The following FOXP1 variants were observed in gnomAD, a reference collection of about 807,000 sequenced individuals.
FOXP1 encodes the protein forkhead box protein P1.
FOXP1 carries 15 observed loss-of-function variants against 98.2 expected under a neutral mutation model. The ratio of observed to expected loss-of-function variants is 0.15; its 90% CI spans 0.10 to 0.24. FOXP1 has a LOEUF of 0.24. Among genes scored for constraint, FOXP1 ranks in the 10% least tolerant of loss-of-function variants. The pLI is 1.00. For missense variants in FOXP1, 633 were observed against 848.5 expected (o/e 0.75, Z 3.15); for synonymous variants, 371 against 314.5 (o/e 1.18, Z -1.90).
At chr3:71,013,489 G>A (rs1459038427) in intron 12 of FOXP1, among the ~76,000 whole-genome samples, 2 of 152,138 alleles carry the variant, frequency 1.3e-5, no homozygotes, top group Non-Finnish European at 2.9e-5. Flanking sequence ...ACTGCTCAAT[G>A]AAATAAAAGA....
intron 6 of FOXP1, among the ~76,000 whole-genome samples, chr3:71,138,951 T>C (rs2107981673): frequency 6.6e-6 from 1 of 152,236 alleles, no homozygotes; most frequent in Admixed American, 6.5e-5. Flanking sequence ...CACTTACACA[T>C]ACTTCACCTA....
In FOXP1 at chr3:71,009,155, CGGGGGGGGG is replaced by C. The variant is rs10546380; in HGVS notation, c.974+6385_974+6393del. On this transcript the variant is annotated intron_variant, in intron 12 of 20. Transcript: ENST00000649528. ...TGGTTGGTCAATGAAATCATGGGGG[CGGGGGGGGG>C]GGGGCGCATGACACACGTGGATATC... is the stretch of plus-strand genomic sequence containing the variant. Among the ~76,000 whole-genome samples, 3 of 20,764 alleles carry C rather than the reference CGGGGGGGGG, an allele frequency of 1.4e-4. 1 individual carries two copies. Among genetic ancestry groups the C allele is most frequent in the Non-Finnish European group, 2.7e-4 (2 of 7,412 alleles). 13.6% of individuals were successfully genotyped at this position (20,764 alleles called of 152,430 possible). A position where few individuals can be genotyped will look rare whatever the true frequency, so the allele number is the denominator to read the frequency against.
chr3:71,395,742 A>G (rs11709312), intron 3 of FOXP1, among the ~76,000 whole-genome samples: 23,538 of 152,118 alleles, frequency 0.15, 2,229 homozygotes, highest in South Asian at 0.23. Flanking sequence ...AAAGTCTTCA[A>G]TAAATAATTG....
chr3:71,441,209 T>C (rs1381771950), intron 3 of FOXP1, among the ~76,000 whole-genome samples: 3 of 152,212 alleles, frequency 2.0e-5, no homozygotes, highest in Non-Finnish European at 4.4e-5. Flanking sequence ...GGTGGGACTG[T>C]ACTATGGATC....
At chr3:71,361,338 T>C (rs1008455114) in intron 3 of FOXP1, among the ~76,000 whole-genome samples, 8 of 152,182 alleles carry the variant, frequency 5.3e-5, no homozygotes, top group African/African-American at 1.9e-4. Flanking sequence ...AAACATTTGT[T>C]CTGACACCCC....
intron 4 of FOXP1, among the ~76,000 whole-genome samples, chr3:71,358,345 G>A (rs894553383): frequency 3.7e-4 from 57 of 152,110 alleles, no homozygotes; most frequent in African/African-American, 1.2e-3. Flanking sequence ...TAGAAGGAAC[G>A]TACAGACAAA....
chr3:70,973,244 G>A (rs1041946231), intron 17 of FOXP1, among the ~76,000 whole-genome samples: 27 of 58,992 alleles, frequency 4.6e-4, no homozygotes, highest in Non-Finnish European at 6.5e-4. Flanking sequence ...CCCCGCCCCC[G>A]CCCCGCCCCG....
At chr3:70,970,627 T>G in intron 19 of FOXP1, 109 bp downstream of exon 19, 1 of 980,182 alleles carries the variant, frequency 1.0e-6, no homozygotes, top group Non-Finnish European at 1.7e-6. Context: ...AGAAAAAAGT[T>G]TAACGGAATT....
chr3:71,328,993 A>AAAAC, intron 4 of FOXP1, among the ~76,000 whole-genome samples: 1 of 148,714 alleles, frequency 6.7e-6, no homozygotes. Context: ...AAAAAAACAA[A>AAAAC]AAAAAAAAAA....
At chr3:71,079,129 C>T (rs746937620) in intron 7 of FOXP1, among the ~76,000 whole-genome samples, 11 of 152,184 alleles carry the variant, frequency 7.2e-5, no homozygotes, top group Non-Finnish European at 1.0e-4. Context: ...CTTGCCCCTG[C>T]GCCCCTCCAA....
At chr3:71,477,170 C>G (rs1355539733) in intron 3 of FOXP1, among the ~76,000 whole-genome samples, 1 of 152,146 alleles carries the variant, frequency 6.6e-6, no homozygotes, top group Non-Finnish European at 1.5e-5. Flanking sequence ...ACAGCGCCCC[C>G]CAGAAGATCC....
chr3:71,516,300 G>A (rs942881173), intron 2 of FOXP1, among the ~76,000 whole-genome samples: 3 of 152,148 alleles, frequency 2.0e-5, no homozygotes, highest in South Asian at 2.1e-4. Flanking sequence ...GTGTGCACAC[G>A]TGTGTGTATC....
At chr3:70,975,103 GT>G (rs1196700677) in intron 17 of FOXP1, among the ~76,000 whole-genome samples, 1 of 152,170 alleles carries the variant, frequency 6.6e-6, no homozygotes, top group Non-Finnish European at 1.5e-5. Flanking sequence ...ATCTAAGGCT[GT>G]TTATATTAAT....
chr3:70,971,785 A>G (rs2036312409), intron 18 of FOXP1: 1 of 391,836 alleles, frequency 2.6e-6, no homozygotes, highest in African/African-American at 2.1e-5. Context: ...TGCTGAATCA[A>G]AATAGAACGA....
intron 6 of FOXP1, among the ~76,000 whole-genome samples, chr3:71,165,182 AAAG>A (rs2061340365): frequency 6.6e-6 from 1 of 152,072 alleles, no homozygotes; most frequent in African/African-American, 2.4e-5. Flanking sequence ...CACACCCTGA[AAAG>A]AAGATGATTT....
chr3:71,525,288 C>G (rs1334142514), intron 2 of FOXP1, among the ~76,000 whole-genome samples: 1 of 152,176 alleles, frequency 6.6e-6, no homozygotes, highest in African/African-American at 2.4e-5. Context: ...GAATGAAACG[C>G]CTATTCCTCC....
At chr3:71,248,879 G>T (rs1383403715) in intron 5 of FOXP1, among the ~76,000 whole-genome samples, 1 of 152,162 alleles carries the variant, frequency 6.6e-6, no homozygotes, top group Non-Finnish European at 1.5e-5. Context: ...TCACACAATA[G>T]GCCTCAGGCC....
intron 2 of FOXP1, among the ~76,000 whole-genome samples, chr3:71,519,294 T>A (rs2042806959): frequency 6.6e-6 from 1 of 152,200 alleles, no homozygotes; most frequent in African/African-American, 2.4e-5. Flanking sequence ...AGCAGGCAAT[T>A]GCGTGAGCTG....
upstream of FOXP1, chr3:71,583,739 C>T (rs2048378381): frequency 7.1e-6 from 7 of 985,448 alleles, no homozygotes; most frequent in South Asian, 2.3e-4. Flanking sequence ...AGCGTGCAAC[C>T]GCCACACAAT....
Sources: gnomAD v4.1 joint callset for allele counts (sites outside exome capture counted in the v4.1 genomes callset) on GRCh38, gnomAD v4.1.1 for gene constraint, MANE v1.5 for transcripts, NCBI Gene and HGNC (gene_info 2026-07-23, HGNC 2026-07-21) for gene names.